The following PCNX2 variants were observed in gnomAD, a reference collection of about 807,000 sequenced individuals.
PCNX2 encodes pecanex-like protein 2.
PCNX2 carries 168 observed loss-of-function variants against 223.8 expected under a neutral mutation model. The observed-to-expected ratio is 0.75, with a 90% CI of 0.66 to 0.85. The LOEUF is 0.85. PCNX2 is among the 40% of genes least tolerant of loss of function. PCNX2 has a pLI of 0.00. For synonymous variants in PCNX2, 1,006 were observed against 1,052.6 expected, an observed-to-expected ratio of 0.96 and a Z score of 0.86; for missense variants, 2,507 against 2,675.5, an observed-to-expected ratio of 0.94 and a Z score of 1.39.
At chr1:233,168,268 C>T (rs1372794668) in intron 17 of PCNX2, among the ~76,000 whole-genome samples, 4 of 152,058 alleles carry the variant, frequency 2.6e-5, no homozygotes, top group African/African-American at 9.7e-5. Context: ...CATTCACAAT[C>T]ATTATAGCCT....
chr1:233,145,131 A>AT (rs1424328946), intron 19 of PCNX2, among the ~76,000 whole-genome samples: 1 of 151,546 alleles, frequency 6.6e-6, no homozygotes, highest in African/African-American at 2.4e-5. Context: ...CGCCCGGCTA[A>AT]TTTTTTTGTA....
intron 1 of PCNX2, among the ~76,000 whole-genome samples, chr1:233,286,407 G>A (rs1661447631): frequency 6.6e-6 from 1 of 152,166 alleles, no homozygotes; most frequent in South Asian, 2.1e-4. Flanking sequence ...TCCTAGAAAA[G>A]GTGAAAGATC....
chr1:233,252,576 C>G, intron 6 of PCNX2, 65 bp downstream of exon 6: 1 of 1,585,110 alleles, frequency 6.3e-7, no homozygotes, highest in Non-Finnish European at 8.6e-7. Flanking sequence ...AAAGCAGAAG[C>G]CAGTAAATGA....
At chr1:233,113,510 G>A (rs1369546271) in intron 21 of PCNX2, among the ~76,000 whole-genome samples, 1 of 152,144 alleles carries the variant, frequency 6.6e-6, no homozygotes, top group East Asian at 1.9e-4. Flanking sequence ...CAAAAAAACA[G>A]TTTTCCATCT....
intron 25 of PCNX2, among the ~76,000 whole-genome samples, chr1:233,041,951 C>T (rs183177959): frequency 2.0e-5 from 3 of 152,218 alleles, no homozygotes; most frequent in Admixed American, 1.3e-4. Context: ...GTTTCCTGCA[C>T]AGAATTATTA....
intron 23 of PCNX2, among the ~76,000 whole-genome samples, chr1:233,058,772 T>C (rs1352656310): frequency 6.6e-6 from 1 of 151,110 alleles, no homozygotes; most frequent in Non-Finnish European, 1.5e-5. Flanking sequence ...TTCAAGCGAT[T>C]GTCCTGCCTC....
chr1:233,153,948 G>A (rs1677965996), intron 19 of PCNX2, among the ~76,000 whole-genome samples: 1 of 152,172 alleles, frequency 6.6e-6, no homozygotes, highest in Non-Finnish European at 1.5e-5. Flanking sequence ...TGAGAGACAA[G>A]ATTTGCTAAA....
rs200121368 is a variant in PCNX2, at chr1:233,206,275, T to C, written c.2863+2243A>G. ...ATAGACAATCGTTTCTTGGACATCTTCCAAAATTATTTTATGCTTTCTCCT... is the reference window on the plus strand; with the variant it reads ...ATAGACAATCGTTTCTTGGACATCTCCCAAAATTATTTTATGCTTTCTCCT... On this transcript the variant is annotated intron_variant, in intron 13 of 33. Coordinates refer to ENST00000258229, the MANE Select transcript of PCNX2 (RefSeq NM_014801.4). 8.5e-5 allele frequency among the ~76,000 whole-genome samples: 13 copies of C among 152,152 alleles called. No homozygotes were observed. The East Asian group carries it at 1.9e-3, about 23-fold the overall frequency.
Position 233,258,365 on chromosome 1 carries a change from A to T in PCNX2, c.1497T>A (p.Asp499Glu). 6.2e-7 allele frequency: 1 copy of T among 1,614,000 alleles called. No homozygotes were observed. The highest frequency in any genetic ancestry group is 8.5e-7 in the Non-Finnish European group (1 of 1,179,888). Residue 499 changes from aspartate (D) to glutamate (E), a missense_variant, in exon 5 of 34, where the codon GAT (aspartate) becomes GAA (glutamate). This residue lies in a region of PCNX2 where 1,031 missense variants were observed against 1,021.7 expected (regional missense o/e 1.01). Coordinates refer to ENST00000258229, the MANE Select transcript of PCNX2 (RefSeq NM_014801.4). ...PWESVSRLTP[D>E]TGSESKVGKE... ...TCCCCACCTTAGACTCGGAGCCTGTATCAGGTGTAAGCCGGGACACCGATT... is the reference window on the plus strand; with the variant it reads ...TCCCCACCTTAGACTCGGAGCCTGTTTCAGGTGTAAGCCGGGACACCGATT...
intron 23 of PCNX2, among the ~76,000 whole-genome samples, chr1:233,088,176 T>C (rs1442595393): frequency 6.6e-6 from 1 of 152,190 alleles, no homozygotes; most frequent in African/African-American, 2.4e-5. Flanking sequence ...CAATGTCATC[T>C]CTGCAAAAAG....
At chr1:233,002,293 G>C (rs1670116126) in intron 28 of PCNX2, among the ~76,000 whole-genome samples, 1 of 151,992 alleles carries the variant, frequency 6.6e-6, no homozygotes, top group Admixed American at 6.6e-5. Context: ...GAAAGATTAA[G>C]CAACTTCAAC....
intron 24 of PCNX2, 79 bp from the exon 25 acceptor site, chr1:233,054,562 A>T: frequency 1.2e-5 from 14 of 1,180,510 alleles, no homozygotes; most frequent in Non-Finnish European, 1.7e-5. Context: ...GTGAGTTGTC[A>T]TCTGATTAAG....
chr1:232,998,216 T>C lies in PCNX2; in HGVS notation c.5791+35A>G, dbSNP rs565784600. The C allele has an allele frequency of 4.7e-6, 7 of 1,490,070 alleles. No homozygotes were observed. In the Admixed American group the frequency reaches 9.9e-5, roughly 21 times the overall value. The allele number at this position is 1,490,070 out of a possible 1,614,324, so 92.3% of individuals were successfully genotyped here. On this transcript the variant is annotated intron_variant, in intron 32 of 33. Transcript: ENST00000258229. ...ATTGGTCACTGGGACCAAATAGGAC[T>C]TCATCGATAGTTTGGAGGCCCCTGC...
chr1:233,318,952 A>T, the PCNX2 span, among the ~76,000 whole-genome samples: 1 of 152,034 alleles, frequency 6.6e-6, no homozygotes, highest in Non-Finnish European at 1.5e-5. Flanking sequence ...TCTCATACTG[A>T]GGGTGACCAG....
chr1:233,001,051 A>G lies in PCNX2; in HGVS notation c.5097+486T>C, dbSNP rs1436815693. On this transcript the variant is annotated intron_variant, in intron 29 of 33. Transcript: ENST00000258229. The surrounding 1 kb of genome is among the most constrained non-coding windows in gnomAD (Gnocchi z 4.2). ...GATCCTTTTTCTTTTTTTTTCCCCA[A>G]GAGACAGGGTCTTGCACTGTCACCC... Among the ~76,000 whole-genome samples the G allele has an allele frequency of 6.6e-6, 1 of 151,998 alleles. No individual in the cohort carries two copies. The highest frequency in any genetic ancestry group is 1.5e-5 in the Non-Finnish European group (1 of 68,008).
intron 13 of PCNX2, among the ~76,000 whole-genome samples, chr1:233,206,313 AGGTCCTC>A (rs1681455972): frequency 6.6e-6 from 1 of 150,512 alleles, no homozygotes; most frequent in East Asian, 2.0e-4. Flanking sequence ...TCTAATCTCC[AGGTCCTC>A]ATGTGCCCTT....
chr1:232,984,529 C>G (rs1252318110), intron 33 of PCNX2, 52 bp from the exon 34 acceptor site: 1 of 1,566,656 alleles, frequency 6.4e-7, no homozygotes, highest in Non-Finnish European at 8.7e-7. Flanking sequence ...GTTCACTACC[C>G]ACTTCTAACT....
At position 233,292,094 on chromosome 1, in the gene PCNX2, T is replaced by A. The variant is rs138471910; in HGVS notation, c.153+3232A>T. The A allele has an allele frequency of 1.4e-5, 13 of 902,800 alleles. No individual in the cohort carries two copies. In the East Asian group the frequency reaches 1.3e-3, roughly 91 times the overall value. The allele number at this position is 902,800 out of a possible 1,614,324, so 55.9% of individuals were successfully genotyped here. A position where few individuals can be genotyped will look rare whatever the true frequency, so the allele number is the denominator to read the frequency against. Reference sequence around the variant, plus strand: ...AGATCTAAGTACATTCTAGGGATTATAAATAAATTTGCCTCAATAATTAAT... The same window carrying A: ...AGATCTAAGTACATTCTAGGGATTAAAAATAAATTTGCCTCAATAATTAAT... On this transcript the variant is annotated intron_variant, in intron 1 of 33. Transcript: ENST00000258229.
chr1:233,266,315 C>T (rs1275642346), intron 1 of PCNX2, among the ~76,000 whole-genome samples: 1 of 152,074 alleles, frequency 6.6e-6, no homozygotes, highest in East Asian at 1.9e-4. Flanking sequence ...CAAGACCAGC[C>T]TAGACAACAT....
Sources: gnomAD v4.1 joint callset for allele counts (sites outside exome capture counted in the v4.1 genomes callset) on GRCh38, gnomAD v4.1.1 for gene constraint, gnomAD v4.1.1 regional missense constraint, Gnocchi (gnomAD v3.1) non-coding constraint, MANE v1.5 for transcripts, NCBI Gene and HGNC (gene_info 2026-07-23, HGNC 2026-07-21) for gene names.